UGT1A8: variants seen among roughly 807,000 people sequenced by gnomAD.
UGT1A8 encodes UDP glucuronosyltransferase family 1 member A8, also known as UDP-glucuronosyltransferase 1A8.
Under a neutral mutation model 45.3 loss-of-function variants are expected in UGT1A8, and 39 were observed. That is an observed-to-expected ratio of 0.86 (90% CI 0.67 to 1.12). The LOEUF (loss-of-function observed/expected upper bound fraction) is 1.12, where lower values mean the gene tolerates loss of function less well. Ranked by LOEUF, UGT1A8 falls within the 50% of genes most tolerant of loss-of-function variation. The pLI, the probability that UGT1A8 is intolerant of heterozygous loss-of-function variation, is 0.00. For missense variants in UGT1A8, 719 were observed against 664.9 expected, an observed-to-expected ratio of 1.08 and a Z score of -0.90; for synonymous variants, 275 against 249.2, an observed-to-expected ratio of 1.10 and a Z score of -0.97.
chr2:233,620,941 A>G (rs534249481), intron 1 of UGT1A8, among the ~76,000 whole-genome samples: 3 of 152,316 alleles, frequency 2.0e-5, no homozygotes, highest in South Asian at 4.1e-4. Context: ...AGCATTACTT[A>G]GTGATAGAGT....
intron 1 of UGT1A8, among the ~76,000 whole-genome samples, chr2:233,710,501 C>T (rs1432129289): frequency 1.3e-5 from 2 of 152,166 alleles, no homozygotes; most frequent in East Asian, 3.8e-4. Flanking sequence ...AATTTGCATT[C>T]CTCTTATGAC....
At chr2:233,672,628 T>G (rs2074233711) in intron 1 of UGT1A8, 2 of 1,613,798 alleles carry the variant, frequency 1.2e-6, no homozygotes. Flanking sequence ...AGAAATAGCC[T>G]CTGAAATTCT....
intron 1 of UGT1A8, among the ~76,000 whole-genome samples, chr2:233,633,891 T>C (rs1454600478): frequency 1.3e-5 from 2 of 152,208 alleles, no homozygotes. Context: ...GTTCTTTTAA[T>C]TGTGATGTTA....
intron 4 of UGT1A8, chr2:233,771,269 T>A (rs1318778151): frequency 6.6e-6 from 1 of 152,200 alleles, no homozygotes; most frequent in African/African-American, 2.4e-5. Flanking sequence ...CCTTTTTTTT[T>A]CTTTCTTCTC....
chr2:233,646,292 G>A (rs1211502809), intron 1 of UGT1A8, among the ~76,000 whole-genome samples: 3 of 152,216 alleles, frequency 2.0e-5, no homozygotes, highest in East Asian at 3.9e-4. Flanking sequence ...AGGGACTGCT[G>A]TGAAGACCTC....
At chr2:233,657,034 A>G (rs1299217120) in intron 1 of UGT1A8, among the ~76,000 whole-genome samples, 1 of 151,770 alleles carries the variant, frequency 6.6e-6, no homozygotes, top group Non-Finnish European at 1.5e-5. Flanking sequence ...CCCTGGTGTC[A>G]GTTACTGCTG....
rs1475606426 is a variant in UGT1A8 at position 233,690,499 on chromosome 2, CAG to C, written c.855+71941_855+71942del. 4 of 1,289,698 alleles carry C rather than the reference CAG, an allele frequency of 3.1e-6. No individual in the cohort carries two copies. The Admixed American group carries it at 9.2e-5, about 30-fold the overall frequency. The allele number at this position is 1,289,698 out of a possible 1,614,324, so 79.9% of individuals were successfully genotyped here. A position where few individuals can be genotyped will look rare whatever the true frequency, so the allele number is the denominator to read the frequency against. ...TTTTTGGGAAATCTGCTCTTGCCAA[CAG>C]AGATTTGTTTTATCTTAGGATCTAC... On this transcript the variant is annotated intron_variant, in intron 1 of 4. Transcript: ENST00000373450.
At chr2:233,659,498 A>G (rs2073923943) in intron 1 of UGT1A8, among the ~76,000 whole-genome samples, 1 of 152,188 alleles carries the variant, frequency 6.6e-6, no homozygotes, top group Non-Finnish European at 1.5e-5. Context: ...TGTATTAAGT[A>G]TTCATTAAGT....
At chr2:233,657,785 G>A (rs548448166) in intron 1 of UGT1A8, among the ~76,000 whole-genome samples, 1 of 152,216 alleles carries the variant, frequency 6.6e-6, no homozygotes, top group South Asian at 2.1e-4. Flanking sequence ...GTGACTGTTT[G>A]CCATCTGTAT....
In UGT1A8 at chr2:233,755,043, C is replaced by G. The variant is rs780933124; in HGVS notation, c.856-11991C>G. ...CTTGAAGGGCCTGCCGCCTGCGCAGCCGCCCTCCGCCCTCGCCTCGCCATA... is the reference window on the plus strand; with the variant it reads ...CTTGAAGGGCCTGCCGCCTGCGCAGGCGCCCTCCGCCCTCGCCTCGCCATA... On this transcript the variant is annotated intron_variant, in intron 1 of 4. Transcript: ENST00000373450. The G allele has an allele frequency of 9.8e-6, 13 of 1,323,836 alleles. No homozygotes were observed. In the South Asian group the frequency reaches 1.4e-4, roughly 14 times the overall value. The allele number at this position is 1,323,836 out of a possible 1,614,324, so 82.0% of individuals were successfully genotyped here. A position where few individuals can be genotyped will look rare whatever the true frequency, so the allele number is the denominator to read the frequency against.
intron 1 of UGT1A8, among the ~76,000 whole-genome samples, chr2:233,638,952 C>T (rs970603415): frequency 2.6e-5 from 4 of 152,216 alleles, no homozygotes; most frequent in East Asian, 1.9e-4. Context: ...CTTTTCTCCT[C>T]GTTATCCTCC....
rs375204962 is a variant in UGT1A8, at chr2:233,760,376, T to C, written c.856-6658T>C. The C allele has an allele frequency of 6.2e-6, 10 of 1,614,042 alleles. No individual in the cohort carries two copies. In the African/African-American group the frequency reaches 6.7e-5, roughly 11 times the overall value. ...CCAGTGGTGTCCCATGCTGGGAAGA[T>C]ACTGTTGATCCCAGTGGATGGCAGC... On this transcript the variant is annotated intron_variant, in intron 1 of 4. Coordinates refer to ENST00000373450, the MANE Select transcript of UGT1A8 (RefSeq NM_019076.5).
rs545970311 is a variant in UGT1A8, at chr2:233,731,854, C to T, written c.856-35180C>T. On this transcript the variant is annotated intron_variant, in intron 1 of 4. Coordinates refer to ENST00000373450, the MANE Select transcript of UGT1A8 (RefSeq NM_019076.5). The stretch of plus-strand genomic sequence containing the variant: ...TTCTAGTTCTAGGTCCTTGAGGAAT[C>T]GCCACACTGTCTTCCACAATGGTTG... 1.3e-4 allele frequency among the ~76,000 whole-genome samples: 20 copies of T among 152,300 alleles called. No individual in the cohort carries two copies. The East Asian group carries it at 2.7e-3, about 21-fold the overall frequency.
chr2:233,747,307 C>T (rs1472274155), intron 1 of UGT1A8: 68 of 1,602,316 alleles, frequency 4.2e-5, no homozygotes, highest in Admixed American at 3.8e-4. Flanking sequence ...TGGGAAGGTG[C>T]TGGTGGTACC....
intron 1 of UGT1A8, among the ~76,000 whole-genome samples, chr2:233,740,284 G>A (rs932768125): frequency 2.0e-5 from 3 of 151,852 alleles, no homozygotes; most frequent in African/African-American, 7.3e-5. Flanking sequence ...ATACTGAAAG[G>A]GTTTAAAGGA....
At chr2:233,655,734 C>T (rs538606503) in intron 1 of UGT1A8, among the ~76,000 whole-genome samples, 87 of 152,184 alleles carry the variant, frequency 5.7e-4, no homozygotes, top group Non-Finnish European at 9.4e-4. Flanking sequence ...GCAAGTCTCT[C>T]CTGTCCCTGG....
intron 1 of UGT1A8, among the ~76,000 whole-genome samples, chr2:233,645,208 A>G (rs2073567693): frequency 6.6e-6 from 1 of 152,192 alleles, no homozygotes; most frequent in African/African-American, 2.4e-5. Flanking sequence ...CTTATTCACT[A>G]TCAAGAGAAC....
intron 1 of UGT1A8, among the ~76,000 whole-genome samples, chr2:233,707,341 G>A (rs2075956396): frequency 6.6e-6 from 1 of 152,038 alleles, no homozygotes; most frequent in Non-Finnish European, 1.5e-5. Flanking sequence ...GTGGTTTGCT[G>A]CCCAGATCAA....
chr2:233,636,417 A>G, intron 1 of UGT1A8: 2 of 1,482,368 alleles, frequency 1.3e-6, no homozygotes, highest in Non-Finnish European at 1.8e-6. Context: ...ATGAAAGGAT[A>G]AATACACGCC....
Sources: gnomAD v4.1 joint callset for allele counts (sites outside exome capture counted in the v4.1 genomes callset) on GRCh38, gnomAD v4.1.1 for gene constraint, MANE v1.5 for transcripts, NCBI Gene and HGNC (gene_info 2026-07-23, HGNC 2026-07-21) for gene names.